NADSYN1: variants seen among roughly 807,000 people sequenced by gnomAD.
NADSYN1 encodes NAD synthetase 1.
Under a neutral mutation model 99.3 loss-of-function variants are expected in NADSYN1, and 80 were observed. The observed-to-expected ratio is 0.81, with a 90% CI of 0.67 to 0.97. The LOEUF is 0.97. NADSYN1 is among the 50% of genes least tolerant of loss of function. The pLI, the probability that NADSYN1 is intolerant of heterozygous loss-of-function variation, is 0.00. For synonymous variants in NADSYN1, 385 were observed against 372.1 expected (o/e 1.03, Z -0.40); for missense variants, 859 against 948.5 (o/e 0.91, Z 1.24).
intron 9 of NADSYN1, chr11:71,476,097 C>T: frequency 2.2e-6 from 1 of 456,288 alleles, no homozygotes; most frequent in Non-Finnish European, 4.4e-6. Context: ...ACAAATACAA[C>T]AAAAAGTAAC....
intron 14 of NADSYN1, among the ~76,000 whole-genome samples, chr11:71,483,826 G>T (rs1235536692): frequency 6.6e-6 from 1 of 152,218 alleles, no homozygotes; most frequent in Non-Finnish European, 1.5e-5. Flanking sequence ...AGAAACTGTG[G>T]TCCATTCACA....
In NADSYN1 at chr11:71,494,399, A is replaced by C. The variant is rs1949805375; in HGVS notation, c.1764+2496A>C. 2.0e-5 allele frequency among the ~76,000 whole-genome samples: 3 copies of C among 152,270 alleles called. No individual in the cohort carries two copies. The South Asian group carries it at 6.2e-4, about 32-fold the overall frequency. On this transcript the variant is annotated intron_variant, in intron 18 of 20. Transcript: ENST00000319023. ...AGGCTGTACCATGGAGCACAGGTGC[A>C]TAGGAGGCTAGACCATCTGGATGTG...
chr11:71,458,422 C>T lies in NADSYN1; in HGVS notation c.147-6C>T. On this transcript the variant is annotated splice_polypyrimidine_tract_variant and splice_region_variant and intron_variant, in intron 2 of 20. Transcript: ENST00000319023. ...TCTGGAGCTCACCTTCTCACTGTCT[C>T]TGCAGCGGCTACGGATGTTGGGATC... 2 of 1,610,612 alleles carry T rather than the reference C, an allele frequency of 1.2e-6. No homozygotes were observed. Among genetic ancestry groups the T allele is most frequent in the Non-Finnish European group, 1.7e-6 (2 of 1,176,806 alleles).
intron 4 of NADSYN1, 59 bp from the exon 5 acceptor site, chr11:71,463,994 G>A (rs1234761229): frequency 1.1e-5 from 15 of 1,416,534 alleles, no homozygotes; most frequent in Middle Eastern, 1.8e-4. Context: ...ACTGACCACC[G>A]CCAGTGGCAC....
At chr11:71,464,195 G>A (rs1343190462) in intron 5 of NADSYN1, 53 bp downstream of exon 5, 2 of 1,423,808 alleles carry the variant, frequency 1.4e-6, no homozygotes, top group Admixed American at 3.9e-5. Flanking sequence ...CCTCCGCTGT[G>A]TGTAGCCTTG....
intron 11 of NADSYN1, chr11:71,481,153 G>T: frequency 3.0e-6 from 2 of 663,554 alleles, no homozygotes; most frequent in East Asian, 2.6e-5. Flanking sequence ...TTAAAATGAG[G>T]ACGATGATAA....
chr11:71,476,703 G>A, intron 9 of NADSYN1: 1 of 915,192 alleles, frequency 1.1e-6, no homozygotes, highest in Non-Finnish European at 1.3e-6. Flanking sequence ...CTGATGGGAA[G>A]TGTGGTCCTC....
At chr11:71,458,371 G>GCCCCTC in intron 2 of NADSYN1, 57 bp from the exon 3 acceptor site, 1 of 1,368,112 alleles carries the variant, frequency 7.3e-7, no homozygotes, top group Non-Finnish European at 1.0e-6. Flanking sequence ...CACAGGCCCT[G>GCCCCTC]CCCCTCCCCG....
chr11:71,478,605 C>T (rs1313553617), intron 10 of NADSYN1, 136 bp downstream of exon 10: 19 of 765,194 alleles, frequency 2.5e-5, no homozygotes, highest in South Asian at 1.3e-4. Context: ...ACTTCCCGAG[C>T]GTGGAAAGGG....
Position 71,481,943 on chromosome 11 carries a change from G to GAGTGGCGGGGTGGACA in NADSYN1, c.1069_1084dup (p.Ser362LysfsTer29). 6.2e-7 allele frequency: 1 copy of GAGTGGCGGGGTGGACA among 1,608,906 alleles called. No individual in the cohort carries two copies. The highest frequency in any genetic ancestry group is 8.5e-7 in the Non-Finnish European group (1 of 1,177,718). On this transcript the variant is annotated frameshift_variant, in exon 13 of 21. Transcript: ENST00000319023. LOFTEE classifies it high-confidence loss of function. ...TCCAGGCAGGGTTTTTGCTGCCCTT[G>GAGTGGCGGGGTGGACA]AGTGGCGGGGTGGACAGCGCAGCCA...
chr11:71,478,481 A>C lies in NADSYN1; in HGVS notation c.873+12A>C. 1.3e-6 allele frequency: 2 copies of C among 1,592,388 alleles called. No homozygotes were observed. The highest frequency in any genetic ancestry group is 1.7e-6 in the Non-Finnish European group (2 of 1,168,722). On this transcript the variant is annotated intron_variant, in intron 10 of 20. Coordinates refer to ENST00000319023, the MANE Select transcript of NADSYN1 (RefSeq NM_018161.5). The stretch of plus-strand genomic sequence containing the variant: ...CTCGAAACCTGGCGGTGAGTGCTCC[A>C]GTAGACACCTGTGTGGGATGCTCAT...
chr11:71,478,721 C>A (rs1253730003), intron 10 of NADSYN1: 3 of 461,832 alleles, frequency 6.5e-6, no homozygotes, highest in Non-Finnish European at 1.2e-5. Context: ...GAGAGGCTGA[C>A]GAGACAGTCA....
chr11:71,483,231 A>G (rs575378903), intron 14 of NADSYN1, among the ~76,000 whole-genome samples: 1 of 152,214 alleles, frequency 6.6e-6, no homozygotes, highest in East Asian at 1.9e-4. Context: ...GTCATCAGCA[A>G]TTGCTTAAAT....
At chr11:71,485,317 C>T (rs1949735222) in intron 15 of NADSYN1, 1 of 365,478 alleles carries the variant, frequency 2.7e-6, no homozygotes, top group Non-Finnish European at 5.0e-6. Flanking sequence ...GTGCTCCCAT[C>T]TTTGAAGGCA....
At chr11:71,478,073 G>A (rs1421174346) in intron 9 of NADSYN1, among the ~76,000 whole-genome samples, 1 of 151,912 alleles carries the variant, frequency 6.6e-6, no homozygotes, top group African/African-American at 2.4e-5. Flanking sequence ...TGACATGGGG[G>A]TGTCTTACTG....
intron 16 of NADSYN1, 45 bp from the exon 17 acceptor site, chr11:71,490,800 C>T (rs751559592): frequency 1.9e-6 from 3 of 1,608,780 alleles, no homozygotes; most frequent in Admixed American, 1.7e-5. Flanking sequence ...TTGATGGAGT[C>T]TGCGGCCCCT....
intron 18 of NADSYN1, among the ~76,000 whole-genome samples, chr11:71,494,970 T>A (rs538879225): frequency 3.1e-4 from 47 of 152,276 alleles, no homozygotes; most frequent in Admixed American, 6.5e-4. Flanking sequence ...TTTTTTTTTT[T>A]AATCTTTCCA....
At chr11:71,477,376 G>A in intron 9 of NADSYN1, 1 of 1,289,770 alleles carries the variant, frequency 7.8e-7, no homozygotes, top group Non-Finnish European at 1.0e-6. Context: ...ACTTTGGGAA[G>A]CAGCCAGAGA....
intron 18 of NADSYN1, among the ~76,000 whole-genome samples, chr11:71,494,003 A>G (rs1477253674): frequency 2.0e-5 from 3 of 152,190 alleles, no homozygotes; most frequent in African/African-American, 7.2e-5. Flanking sequence ...AACAAAAACA[A>G]GAAAAGTTTA....
Sources: gnomAD v4.1 joint callset for allele counts (sites outside exome capture counted in the v4.1 genomes callset) on GRCh38, gnomAD v4.1.1 for gene constraint, MANE v1.5 for transcripts, NCBI Gene and HGNC (gene_info 2026-07-23, HGNC 2026-07-21) for gene names.